Variants in CNOT10 observed in about 807,000 individuals in gnomAD.
The protein encoded by CNOT10 is CCR4-NOT transcription complex subunit 10.
In CNOT10, 30 loss-of-function variants were observed where a neutral mutation model predicts 94.6. The ratio of observed to expected loss-of-function variants is 0.32; its 90% CI spans 0.24 to 0.43. The LOEUF is 0.43. Ranked by LOEUF, CNOT10 falls within the 20% of genes least tolerant of loss-of-function variation. The pLI is 1.00. For missense variants in CNOT10, 759 were observed against 877.2 expected (o/e 0.87, Z 1.70); for synonymous variants, 289 against 301.6 (o/e 0.96, Z 0.43).
chr3:32,695,968 A>AGAGTGT (rs1350214672), intron 1 of CNOT10: 8 of 433,064 alleles, frequency 1.8e-5, no homozygotes, highest in East Asian at 9.7e-5. Context: ...TGTTGAAGAG[A>AGAGTGT]GTGTGTGTGT....
At chr3:32,711,307 G>A (rs1697880497) in intron 4 of CNOT10, among the ~76,000 whole-genome samples, 1 of 152,038 alleles carries the variant, frequency 6.6e-6, no homozygotes, top group Admixed American at 6.6e-5. Context: ...CTCTGTGTAT[G>A]TCCTCCTGTA....
At chr3:32,712,749 G>C (rs2125533505) in intron 4 of CNOT10, among the ~76,000 whole-genome samples, 1 of 152,250 alleles carries the variant, frequency 6.6e-6, no homozygotes, top group East Asian at 1.9e-4. Flanking sequence ...TAAGGTGAAA[G>C]GATCTCTTGA....
chr3:32,702,892 A>C (rs950685849), intron 1 of CNOT10, among the ~76,000 whole-genome samples: 1 of 150,572 alleles, frequency 6.6e-6, no homozygotes, highest in East Asian at 1.9e-4. Context: ...AGCTTATAAC[A>C]TTAATCAGTC....
chr3:32,695,457 T>C, intron 1 of CNOT10: 4 of 936,638 alleles, frequency 4.3e-6, no homozygotes, highest in Non-Finnish European at 4.6e-6. Flanking sequence ...TCAGTGGAGC[T>C]GTATTTTGAT....
At chr3:32,695,667 A>G (rs1559476019) in intron 1 of CNOT10, 2 of 1,536,104 alleles carry the variant, frequency 1.3e-6, no homozygotes, top group Non-Finnish European at 1.7e-6. Flanking sequence ...TTTGTGGGTC[A>G]AAGAGCTCTG....
intron 1 of CNOT10, chr3:32,695,972 T>A (rs1460293943): frequency 1.7e-3 from 191 of 111,298 alleles, no homozygotes; most frequent in Admixed American, 4.3e-3. Flanking sequence ...GAAGAGAGTG[T>A]GTGTGTGTGT....
chr3:32,715,002 T>C (rs1698055959), intron 5 of CNOT10, among the ~76,000 whole-genome samples: 1 of 152,220 alleles, frequency 6.6e-6, no homozygotes, highest in Non-Finnish European at 1.5e-5. Flanking sequence ...GGATTTCAGT[T>C]GAATAACCTT....
At chr3:32,771,546 A>C (rs1386609148) in intron 18 of CNOT10, among the ~76,000 whole-genome samples, 1 of 152,102 alleles carries the variant, frequency 6.6e-6, no homozygotes, top group African/African-American at 2.4e-5. Flanking sequence ...GGTTGCAGTG[A>C]GCCGAGACAC....
At chr3:32,702,405 G>A (rs1451433951) in intron 1 of CNOT10, among the ~76,000 whole-genome samples, 1 of 152,152 alleles carries the variant, frequency 6.6e-6, no homozygotes, top group Non-Finnish European at 1.5e-5. Context: ...AAAACAAAAA[G>A]CAAAACATCT....
At chr3:32,685,769 C>T (rs554082872) in intron 1 of CNOT10, among the ~76,000 whole-genome samples, 2 of 152,258 alleles carry the variant, frequency 1.3e-5, no homozygotes, top group South Asian at 4.1e-4. Flanking sequence ...TTTGCCGCTT[C>T]GCAGAATTTT....
chr3:32,691,745 A>G (rs752447531), intron 1 of CNOT10, among the ~76,000 whole-genome samples: 4 of 152,236 alleles, frequency 2.6e-5, no homozygotes, highest in Non-Finnish European at 5.9e-5. Flanking sequence ...TAGACAATTC[A>G]TGTTTTAATA....
chr3:32,718,258 C>CTTTT (rs376879885), intron 7 of CNOT10, among the ~76,000 whole-genome samples: 3 of 117,036 alleles, frequency 2.6e-5, no homozygotes, highest in Non-Finnish European at 1.8e-5. Context: ...CATTATCAAA[C>CTTTT]TTTTTTTTTT....
At chr3:32,709,950 C>A (rs924602868) in intron 4 of CNOT10, among the ~76,000 whole-genome samples, 2 of 151,968 alleles carry the variant, frequency 1.3e-5, no homozygotes, top group Admixed American at 6.6e-5. Flanking sequence ...AGTTGGAGAC[C>A]AGCCTGATCA....
At chr3:32,690,794 G>A (rs1358652661) in intron 1 of CNOT10, among the ~76,000 whole-genome samples, 2 of 151,924 alleles carry the variant, frequency 1.3e-5, no homozygotes, top group East Asian at 1.9e-4. Flanking sequence ...TGATCCGCCC[G>A]CCTCGGCCTC....
chr3:32,746,240 C>T (rs1362000689), intron 13 of CNOT10, among the ~76,000 whole-genome samples: 1 of 152,108 alleles, frequency 6.6e-6, no homozygotes, highest in Non-Finnish European at 1.5e-5. Context: ...CTTTTTGGCA[C>T]CAGGGACCAG....
intron 13 of CNOT10, among the ~76,000 whole-genome samples, chr3:32,743,010 G>C (rs578085208): frequency 8.1e-6 from 1 of 123,222 alleles, no homozygotes; most frequent in East Asian, 2.5e-4. Context: ...TTTTGAGATA[G>C]ATTTTTGCCC....
At chr3:32,727,452 C>T (rs371928836) in intron 9 of CNOT10, among the ~76,000 whole-genome samples, 4 of 152,188 alleles carry the variant, frequency 2.6e-5, no homozygotes, top group East Asian at 1.9e-4. Context: ...TGAGAAGAGA[C>T]ATCTCTGGCT....
At chr3:32,749,430 A>G (rs1160243895) in intron 13 of CNOT10, among the ~76,000 whole-genome samples, 6 of 109,120 alleles carry the variant, frequency 5.5e-5, no homozygotes, top group Non-Finnish European at 1.1e-4. Flanking sequence ...TTTTTTTGAG[A>G]CTGAGTTTTG....
intron 1 of CNOT10, among the ~76,000 whole-genome samples, chr3:32,693,078 T>C (rs1400811621): frequency 6.6e-6 from 1 of 152,208 alleles, no homozygotes; most frequent in African/African-American, 2.4e-5. Flanking sequence ...CTTTCCCATA[T>C]TGACTGTTAG....
Sources: gnomAD v4.1 joint callset for allele counts (sites outside exome capture counted in the v4.1 genomes callset) on GRCh38, gnomAD v4.1.1 for gene constraint, MANE v1.5 for transcripts, NCBI Gene and HGNC (gene_info 2026-07-23, HGNC 2026-07-21) for gene names.